The following NCALD variants were observed in gnomAD, a reference collection of about 807,000 sequenced individuals.
NCALD encodes the protein neurocalcin-delta.
In NCALD, 10 loss-of-function variants were observed where a neutral mutation model predicts 18.6. The observed-to-expected ratio is 0.54, with a 90% CI of 0.33 to 0.91. The LOEUF is 0.91. NCALD is among the 40% of genes least tolerant of loss of function. NCALD has a pLI of 0.03. For missense variants in NCALD, 184 were observed against 247.6 expected (o/e 0.74, Z 1.72); for synonymous variants, 88 against 87.4 (o/e 1.01, Z -0.04).
intron 1 of NCALD, chr8:101,721,341 G>A (rs1318942609): frequency 6.6e-6 from 1 of 152,524 alleles, no homozygotes; most frequent in Non-Finnish European, 1.5e-5. Flanking sequence ...CACTGGGGTT[G>A]CTTCGTCTTC....
chr8:102,092,337 T>C (rs535878301), intron 1 of NCALD, among the ~76,000 whole-genome samples: 31 of 152,382 alleles, frequency 2.0e-4, no homozygotes, highest in Admixed American at 7.8e-4. Context: ...CCCTCGAGGC[T>C]GCTCTGCCTA....
chr8:101,857,589 A>G (rs962387611), intron 4 of NCALD, among the ~76,000 whole-genome samples: 8 of 152,198 alleles, frequency 5.3e-5, no homozygotes, highest in African/African-American at 1.7e-4. Context: ...AGAGGAAAAG[A>G]AGGCAGAGAT....
At chr8:101,690,390 C>T in intron 3 of NCALD, 1 of 985,112 alleles carries the variant, frequency 1.0e-6, no homozygotes, top group Non-Finnish European at 1.2e-6. Context: ...AGGAGCTGCC[C>T]CAGAGAGGAT....
At chr8:101,737,961 T>C (rs532018768) in intron 1 of NCALD, among the ~76,000 whole-genome samples, 1 of 152,180 alleles carries the variant, frequency 6.6e-6, no homozygotes, top group African/African-American at 2.4e-5. Flanking sequence ...TCAAAAATAT[T>C]GGTGTTAGGT....
At chr8:102,043,395 C>T (rs761548558) in intron 1 of NCALD, among the ~76,000 whole-genome samples, 5 of 151,708 alleles carry the variant, frequency 3.3e-5, no homozygotes, top group Admixed American at 1.3e-4. Context: ...ATAGAGTTGA[C>T]GGCTCTCTTG....
intron 2 of NCALD, among the ~76,000 whole-genome samples, chr8:101,999,975 G>A (rs552366333): frequency 2.6e-5 from 4 of 152,276 alleles, no homozygotes; most frequent in African/African-American, 4.8e-5. Context: ...GAAGACGAAC[G>A]ATTTCTGCAG....
intron 4 of NCALD, among the ~76,000 whole-genome samples, chr8:101,811,579 T>G (rs530780400): frequency 6.6e-6 from 1 of 152,298 alleles, no homozygotes; most frequent in Non-Finnish European, 1.5e-5. Flanking sequence ...GCGTGCTGAG[T>G]GCATGGTCTG....
chr8:101,795,900 C>T (rs1006128410), upstream of NCALD, among the ~76,000 whole-genome samples: 2 of 152,112 alleles, frequency 1.3e-5, no homozygotes, highest in Non-Finnish European at 2.9e-5. Flanking sequence ...TACCGTTTTC[C>T]CCTTGAAGCA....
intron 4 of NCALD, among the ~76,000 whole-genome samples, chr8:101,824,395 C>T (rs1813846103): frequency 6.6e-6 from 1 of 152,096 alleles, no homozygotes; most frequent in South Asian, 2.1e-4. Flanking sequence ...TACTGGGGTA[C>T]AAATACACAC....
upstream of NCALD, among the ~76,000 whole-genome samples, chr8:101,794,209 G>A (rs925554928): frequency 1.3e-5 from 2 of 152,180 alleles, no homozygotes; most frequent in African/African-American, 4.8e-5. Flanking sequence ...GTCTGACTCT[G>A]ATAAGCCTAC....
intron 1 of NCALD, among the ~76,000 whole-genome samples, chr8:102,080,816 G>A (rs988974543): frequency 1.3e-5 from 2 of 152,374 alleles, no homozygotes; most frequent in Non-Finnish European, 2.9e-5. Context: ...AGTGGGCTCT[G>A]AGGCTCCAGC....
rs907414518 is a variant in NCALD, at chr8:101,699,906, C to T, written c.379-7010G>A. 3.8e-4 allele frequency among the ~76,000 whole-genome samples: 58 copies of T among 151,900 alleles called. 1 individual carries two copies. The highest frequency in any genetic ancestry group is 1.3e-3 in the African/African-American group (55 of 41,384). On this transcript the variant is annotated intron_variant, in intron 2 of 3. Coordinates refer to ENST00000220931, the MANE Select transcript of NCALD (RefSeq NM_032041.3). ...CACGTTCTGTGCGTGTATCCAAGAA[C>T]CTAAAGTAAAATTTTAAAAAAAGAA...
At chr8:101,997,823 G>A (rs1821293491) in intron 2 of NCALD, among the ~76,000 whole-genome samples, 1 of 152,148 alleles carries the variant, frequency 6.6e-6, no homozygotes, top group African/African-American at 2.4e-5. Context: ...ATCTACAGCT[G>A]GGGGTATGAG....
intron 4 of NCALD, among the ~76,000 whole-genome samples, chr8:101,842,156 C>T (rs1814669117): frequency 6.6e-6 from 1 of 152,066 alleles, no homozygotes; most frequent in African/African-American, 2.4e-5. Flanking sequence ...TCTCTATGTC[C>T]AAATTTCCTC....
At chr8:101,754,091 A>T (rs766034697) in intron 1 of NCALD, among the ~76,000 whole-genome samples, 1 of 152,110 alleles carries the variant, frequency 6.6e-6, no homozygotes, top group Non-Finnish European at 1.5e-5. Context: ...CCCTCCTAAC[A>T]GCCCTGGGGG....
intron 1 of NCALD, among the ~76,000 whole-genome samples, chr8:102,120,964 G>T (rs760067203): frequency 6.6e-6 from 1 of 152,172 alleles, no homozygotes; most frequent in African/African-American, 2.4e-5. Context: ...GAATGGTAAA[G>T]ACTATTCCCT....
chr8:101,810,319 G>T (rs777064919), intron 4 of NCALD, among the ~76,000 whole-genome samples: 1 of 152,084 alleles, frequency 6.6e-6, no homozygotes, highest in Non-Finnish European at 1.5e-5. Context: ...TACCTTGCAC[G>T]GTGGTTATAA....
At chr8:101,737,100 C>T (rs1809955836) in intron 1 of NCALD, among the ~76,000 whole-genome samples, 1 of 152,070 alleles carries the variant, frequency 6.6e-6, no homozygotes, top group Admixed American at 6.5e-5. Context: ...AATACAGCCA[C>T]AAGGAAATCC....
chr8:101,815,313 T>A (rs7838696), intron 4 of NCALD, among the ~76,000 whole-genome samples: 158 of 151,988 alleles, frequency 1.0e-3, no homozygotes, highest in Middle Eastern at 6.8e-3. Flanking sequence ...TAGACCCACA[T>A]AAATACAGTC....
Sources: gnomAD v4.1 joint callset for allele counts (sites outside exome capture counted in the v4.1 genomes callset) on GRCh38, gnomAD v4.1.1 for gene constraint, MANE v1.5 for transcripts, NCBI Gene and HGNC (gene_info 2026-07-23, HGNC 2026-07-21) for gene names.